Variants in GABRA3 observed in about 807,000 individuals in gnomAD.
The protein encoded by GABRA3 is gamma-aminobutyric acid receptor subunit alpha-3.
Under a neutral mutation model 30.1 loss-of-function variants are expected in GABRA3, and 10 were observed. That is an observed-to-expected ratio of 0.33 (90% CI 0.20 to 0.56). The LOEUF is 0.56. GABRA3 is among the 20% of genes least tolerant of loss of function. The probability of loss-of-function intolerance (pLI) is 0.89; values close to 1 mark genes in which losing one functional copy is unlikely to be tolerated. For missense variants in GABRA3, 233 were observed against 392.0 expected, an observed-to-expected ratio of 0.59 and a Z score of 3.42; for synonymous variants, 151 against 146.8, an observed-to-expected ratio of 1.03 and a Z score of -0.21.
chrX:152,267,299 T>C (rs1481017599), intron 4 of GABRA3, among the ~76,000 whole-genome samples: 1 of 112,355 alleles, frequency 8.9e-6, no homozygotes, highest in Admixed American at 9.4e-5. Flanking sequence ...ACACCCTTAA[T>C]GTGATGCATC....
chrX:152,375,952 A>T (rs758657541), intron 1 of GABRA3, among the ~76,000 whole-genome samples: 135 of 111,756 alleles, frequency 1.2e-3, no homozygotes, highest in African/African-American at 4.3e-3. Context: ...ATCCCCTTGG[A>T]TCTCTTCACC....
intron 4 of GABRA3, among the ~76,000 whole-genome samples, chrX:152,256,850 T>C (rs1425436293): frequency 2.7e-5 from 3 of 111,791 alleles, no homozygotes; most frequent in Non-Finnish European, 5.6e-5. Context: ...ATTAGAATTG[T>C]GAGTTTGTGA....
At chrX:152,196,056 A>T (rs1944656423) in intron 8 of GABRA3, among the ~76,000 whole-genome samples, 2 of 109,592 alleles carry the variant, frequency 1.8e-5, no homozygotes, top group Admixed American at 9.9e-5. Context: ...ATTTCCTTTA[A>T]TTTCTTTTAA....
intron 7 of GABRA3, among the ~76,000 whole-genome samples, chrX:152,203,345 C>T (rs4828692): frequency 0.16 from 17,673 of 110,844 alleles, 1,043 homozygotes; most frequent in Admixed American, 0.24. Flanking sequence ...GGTGGTAGGC[C>T]CTTAAACAAG....
chrX:152,273,564 A>C (rs1938987597), intron 4 of GABRA3, among the ~76,000 whole-genome samples: 1 of 112,614 alleles, frequency 8.9e-6, no homozygotes, highest in Non-Finnish European at 1.9e-5. Flanking sequence ...ATGAATGCAT[A>C]AAGAAAATAC....
intron 5 of GABRA3, among the ~76,000 whole-genome samples, chrX:152,245,473 A>C (rs1451846520): frequency 2.7e-5 from 3 of 111,041 alleles, no homozygotes; most frequent in African/African-American, 9.8e-5. Flanking sequence ...TAAATCTTCA[A>C]GCTATAGACA....
intron 6 of GABRA3, among the ~76,000 whole-genome samples, chrX:152,210,624 C>A (rs1253027343): frequency 8.9e-6 from 1 of 112,191 alleles, no homozygotes; most frequent in Non-Finnish European, 1.9e-5. Context: ...AAATAATAAG[C>A]AAATGTGGAA....
At chrX:152,229,599 G>C (rs1424694876) in intron 5 of GABRA3, among the ~76,000 whole-genome samples, 1 of 110,187 alleles carries the variant, frequency 9.1e-6, no homozygotes, top group Non-Finnish European at 1.9e-5. Context: ...CCCTGAGGTA[G>C]AAGTGTGCCC....
chrX:152,343,036 C>T lies in GABRA3; in HGVS notation c.262+2545G>A, dbSNP rs186967480. Among the ~76,000 whole-genome samples the T allele has an allele frequency of 1.8e-3, 204 of 111,659 alleles. 1 individual carries two copies. The highest frequency in any genetic ancestry group is 6.3e-3 in the African/African-American group (194 of 30,717). On this transcript the variant is annotated intron_variant, in intron 3 of 9. Transcript: ENST00000370314. The stretch of plus-strand genomic sequence containing the variant: ...GAGGTAAGGAGTACATACTTGAAAA[C>T]TTGTGAAGCACCCTCTACAGATTTC...
At chrX:152,447,306 C>G (rs979349056) in intron 1 of GABRA3, among the ~76,000 whole-genome samples, 62 of 111,122 alleles carry the variant, frequency 5.6e-4, no homozygotes, top group African/African-American at 1.7e-3. Flanking sequence ...GAATAAAGAC[C>G]AACAGCCTTA....
intron 2 of GABRA3, among the ~76,000 whole-genome samples, chrX:152,353,518 A>C (rs1420369659): frequency 8.9e-6 from 1 of 111,892 alleles, no homozygotes; most frequent in African/African-American, 3.2e-5. Flanking sequence ...GTGCCAATGC[A>C]TGAGCACTAT....
At chrX:152,295,506 G>T (rs1427560112) in intron 3 of GABRA3, among the ~76,000 whole-genome samples, 1 of 113,174 alleles carries the variant, frequency 8.8e-6, no homozygotes, top group Non-Finnish European at 1.9e-5. Context: ...GCTGAGCCAG[G>T]CATGGGATAT....
intron 5 of GABRA3, among the ~76,000 whole-genome samples, chrX:152,225,432 G>GCGCACACA (rs35196156): frequency 0.14 from 13,293 of 96,397 alleles, 727 homozygotes; most frequent in Admixed American, 0.23. Context: ...ACACACACAC[G>GCGCACACA]CACACACACA....
Position 152,372,047 on chromosome X carries a change from C to T in GABRA3, c.-26-7451G>A, listed in dbSNP as rs150688548. 8.9e-3 allele frequency among the ~76,000 whole-genome samples: 986 copies of T among 111,232 alleles called. 7 individuals are homozygous for T. Among genetic ancestry groups the T allele is most frequent in the South Asian group, 0.061 (159 of 2,616 alleles). On this transcript the variant is annotated intron_variant, in intron 1 of 9. Transcript: ENST00000370314. Reference sequence around the variant, plus strand: ...GACCACTTCTCAATACTTTCATTGCCCCTTAGCTGTTCAAAACCACCCCCA... The same window carrying T: ...GACCACTTCTCAATACTTTCATTGCTCCTTAGCTGTTCAAAACCACCCCCA...
chrX:152,289,212 T>C (rs1418865829), intron 3 of GABRA3, among the ~76,000 whole-genome samples: 1 of 109,848 alleles, frequency 9.1e-6, no homozygotes, highest in East Asian at 2.9e-4. Context: ...ATATGTCCAA[T>C]AATTCTTGAA....
At chrX:152,361,488 G>A (rs1928501949) in intron 2 of GABRA3, among the ~76,000 whole-genome samples, 2 of 106,507 alleles carry the variant, frequency 1.9e-5, no homozygotes, top group Admixed American at 2.0e-4. Flanking sequence ...CAGGAGAATG[G>A]CTTGAACCCA....
chrX:152,354,788 G>A (rs1940525386), intron 2 of GABRA3, among the ~76,000 whole-genome samples: 1 of 111,444 alleles, frequency 9.0e-6, no homozygotes, highest in Non-Finnish European at 1.9e-5. Context: ...CATAAAGCAG[G>A]AGGGATTCTT....
At chrX:152,313,161 T>C (rs973174487) in intron 3 of GABRA3, among the ~76,000 whole-genome samples, 4 of 112,012 alleles carry the variant, frequency 3.6e-5, no homozygotes, top group African/African-American at 1.3e-4. Context: ...AAATATGGAT[T>C]GACAGCTTTA....
chrX:152,445,060 CAAAAAAAAAAAAA>C (rs1204814043), intron 1 of GABRA3, among the ~76,000 whole-genome samples: 2 of 18,716 alleles, frequency 1.1e-4, no homozygotes, highest in Admixed American at 8.9e-4. Context: ...GACTCCGTCT[CAAAAAAAAAAAAA>C]AAAAAAAAAA....
Sources: allele counts gnomAD v4.1 joint callset (sites outside exome capture counted in the v4.1 genomes callset), GRCh38; gene constraint gnomAD v4.1.1; transcripts MANE v1.5; gene names NCBI Gene and HGNC (gene_info 2026-07-23, HGNC 2026-07-21).